SOBP: variants seen among roughly 807,000 people sequenced by gnomAD.
SOBP encodes sine oculis binding protein homolog, also known as sine oculis-binding protein homolog.
A neutral mutation model predicts 53.6 loss-of-function variants in SOBP; 4 were observed. The ratio of observed to expected loss-of-function variants is 0.07; its 90% CI spans 0.04 to 0.17. The LOEUF (loss-of-function observed/expected upper bound fraction) is 0.17, where lower values mean the gene tolerates loss of function less well. Among genes scored for constraint, SOBP ranks in the 10% least tolerant of loss-of-function variants. The pLI, the probability that SOBP is intolerant of heterozygous loss-of-function variation, is 1.00. For missense variants in SOBP, 1,088 were observed against 1,204.7 expected, an observed-to-expected ratio of 0.90 and a Z score of 1.43; for synonymous variants, 584 against 522.6, an observed-to-expected ratio of 1.12 and a Z score of -1.60.
At chr6:107,511,044 T>C (rs996013019) in intron 3 of SOBP, among the ~76,000 whole-genome samples, 5 of 152,222 alleles carry the variant, frequency 3.3e-5, no homozygotes, top group African/African-American at 4.8e-5. Flanking sequence ...TTATTTAATA[T>C]GGTCTTCATA....
At chr6:107,600,146 G>T (rs1294474592) in intron 5 of SOBP, among the ~76,000 whole-genome samples, 1 of 152,116 alleles carries the variant, frequency 6.6e-6, no homozygotes, top group Non-Finnish European at 1.5e-5. Flanking sequence ...TACCTATTTT[G>T]TCTAATTTAG....
At chr6:107,637,591 C>CA (rs1459567340) in intron 6 of SOBP, among the ~76,000 whole-genome samples, 3 of 152,026 alleles carry the variant, frequency 2.0e-5, no homozygotes, top group African/African-American at 4.8e-5. Context: ...AGATGTGTGA[C>CA]AAAAAAAGTG....
At chr6:107,584,669 C>T (rs182833420) in intron 4 of SOBP, among the ~76,000 whole-genome samples, 5 of 152,258 alleles carry the variant, frequency 3.3e-5, no homozygotes, top group Admixed American at 2.6e-4. Context: ...TCTCCACTTC[C>T]GAATCTCTTC....
At chr6:107,501,133 A>G (rs1782835406) in intron 1 of SOBP, among the ~76,000 whole-genome samples, 3 of 152,242 alleles carry the variant, frequency 2.0e-5, no homozygotes. Flanking sequence ...AAATCATGGA[A>G]TAGATCAAGT....
intron 5 of SOBP, among the ~76,000 whole-genome samples, chr6:107,611,828 A>G (rs1413202234): frequency 6.6e-6 from 1 of 152,202 alleles, no homozygotes; most frequent in Non-Finnish European, 1.5e-5. Flanking sequence ...TTACTTTTGA[A>G]GGAGTTAACT....
At chr6:107,553,298 T>TTTATTTATTTA (rs1554294430) in intron 4 of SOBP, among the ~76,000 whole-genome samples, 1 of 139,392 alleles carries the variant, frequency 7.2e-6, no homozygotes, top group Non-Finnish European at 1.5e-5. Context: ...CTTATTATTA[T>TTTATTTATTTA]TTTATTTATT....
In SOBP at chr6:107,546,659, C is replaced by T. The variant is rs576057487; in HGVS notation, c.573+13049C>T. 6.6e-5 allele frequency among the ~76,000 whole-genome samples: 10 copies of T among 152,258 alleles called. No homozygotes were observed. The East Asian group carries it at 1.7e-3, about 26-fold the overall frequency. ...AGAAAAGCCAGACTCTAAGGAATGACAGAACAGTACAAAGTTTGCAGGGTC... is the reference window on the plus strand; with the variant it reads ...AGAAAAGCCAGACTCTAAGGAATGATAGAACAGTACAAAGTTTGCAGGGTC... On this transcript the variant is annotated intron_variant, in intron 4 of 6. Transcript: ENST00000317357.
intron 4 of SOBP, among the ~76,000 whole-genome samples, chr6:107,553,821 T>G (rs1784534925): frequency 6.6e-6 from 1 of 152,092 alleles, no homozygotes; most frequent in South Asian, 2.1e-4. Context: ...GAGGTTTTGC[T>G]GTGTTGGCCA....
At chr6:107,586,252 G>A (rs1021791835) in intron 4 of SOBP, among the ~76,000 whole-genome samples, 1 of 152,224 alleles carries the variant, frequency 6.6e-6, no homozygotes, top group Non-Finnish European at 1.5e-5. Context: ...AGAGCAGTTA[G>A]GGCTAAGATG....
chr6:107,573,578 A>G (rs1002168959), intron 4 of SOBP, among the ~76,000 whole-genome samples: 1 of 152,156 alleles, frequency 6.6e-6, no homozygotes, highest in African/African-American at 2.4e-5. Context: ...GGCACCAGGA[A>G]TCAAACTTGG....
chr6:107,513,391 T>A (rs983441519), intron 3 of SOBP, among the ~76,000 whole-genome samples: 1 of 152,238 alleles, frequency 6.6e-6, no homozygotes, highest in Admixed American at 6.5e-5. Flanking sequence ...TCACGTGATC[T>A]GCTAACCTCT....
intron 4 of SOBP, among the ~76,000 whole-genome samples, chr6:107,584,267 A>C (rs965030900): frequency 1.1e-4 from 16 of 152,226 alleles, no homozygotes; most frequent in South Asian, 6.2e-4. Flanking sequence ...AAAAAAAAAA[A>C]AAAACACCCC....
chr6:107,524,895 A>T (rs1325709488), intron 3 of SOBP, among the ~76,000 whole-genome samples: 2 of 152,182 alleles, frequency 1.3e-5, no homozygotes, highest in Non-Finnish European at 1.5e-5. Context: ...GTGAAAAGAC[A>T]TGTCCGCTGT....
At chr6:107,569,871 G>T (rs1293697071) in intron 4 of SOBP, among the ~76,000 whole-genome samples, 1 of 152,182 alleles carries the variant, frequency 6.6e-6, no homozygotes, top group African/African-American at 2.4e-5. Context: ...CATGTGTTCT[G>T]CAGCCGCCTG....
intron 3 of SOBP, among the ~76,000 whole-genome samples, chr6:107,516,631 A>G (rs1198225656): frequency 6.6e-6 from 1 of 152,198 alleles, no homozygotes; most frequent in Non-Finnish European, 1.5e-5. Flanking sequence ...CCTACAGTCA[A>G]TCTACAGGTT....
rs141265320 is a variant in SOBP, at chr6:107,593,457, G to A, written c.669+6282G>A. ...CACACAGTCCATCACAGTGATTCTTGGAGCCAGAGGGAGGTATGGAAGACT... is the reference window on the plus strand; with the variant it reads ...CACACAGTCCATCACAGTGATTCTTAGAGCCAGAGGGAGGTATGGAAGACT... On this transcript the variant is annotated intron_variant, in intron 5 of 6. Coordinates refer to ENST00000317357, the MANE Select transcript of SOBP (RefSeq NM_018013.4). Among the ~76,000 whole-genome samples the A allele has an allele frequency of 1.6e-4, 24 of 152,298 alleles. No individual in the cohort carries two copies. The East Asian group carries it at 4.2e-3, about 27-fold the overall frequency.
At chr6:107,616,824 GCC>G (rs1225457308) in intron 5 of SOBP, among the ~76,000 whole-genome samples, 2 of 152,196 alleles carry the variant, frequency 1.3e-5, no homozygotes, top group African/African-American at 4.8e-5. Flanking sequence ...GATTTAGACA[GCC>G]CTTGGCTGTC....
chr6:107,591,968 G>GTTTTTTT (rs56210027), intron 5 of SOBP, among the ~76,000 whole-genome samples: 1 of 88,638 alleles, frequency 1.1e-5, no homozygotes, highest in African/African-American at 4.4e-5. Context: ...GTCTTTTGGT[G>GTTTTTTT]TTTTTTTTTT....
chr6:107,526,794 T>A (rs1783677860), intron 3 of SOBP, among the ~76,000 whole-genome samples: 1 of 152,258 alleles, frequency 6.6e-6, no homozygotes, highest in Admixed American at 6.5e-5. Context: ...GTCATTTTTC[T>A]GTAATTTTGT....
Sources: gnomAD v4.1 joint callset for allele counts (sites outside exome capture counted in the v4.1 genomes callset) on GRCh38, gnomAD v4.1.1 for gene constraint, MANE v1.5 for transcripts, NCBI Gene and HGNC (gene_info 2026-07-23, HGNC 2026-07-21) for gene names.